Variants in ENOX1 observed in about 807,000 individuals in gnomAD.
ENOX1 encodes ecto-NOX disulfide-thiol exchanger 1, also known as candidate growth-related and time keeping constitutive hydroquinone (NADH) oxidase.
In ENOX1, 42 loss-of-function variants were observed where a neutral mutation model predicts 82.5. The observed-to-expected ratio is 0.51, with a 90% CI of 0.40 to 0.66. ENOX1 has a LOEUF of 0.66. ENOX1 is among the 30% of genes least tolerant of loss of function. ENOX1 has a pLI of 0.00. For synonymous variants in ENOX1, 271 were observed against 282.2 expected, an observed-to-expected ratio of 0.96 and a Z score of 0.40; for missense variants, 608 against 811.6, an observed-to-expected ratio of 0.75 and a Z score of 3.05.
At chr13:43,638,757 T>G (rs1375885021) in intron 2 of ENOX1, among the ~76,000 whole-genome samples, 2 of 152,190 alleles carry the variant, frequency 1.3e-5, no homozygotes, top group Non-Finnish European at 2.9e-5. Context: ...TTCATCTAAC[T>G]TTAGACTGTG....
At chr13:43,269,856 T>A (rs894438350) in intron 12 of ENOX1, among the ~76,000 whole-genome samples, 1 of 152,254 alleles carries the variant, frequency 6.6e-6, no homozygotes, top group Non-Finnish European at 1.5e-5. Flanking sequence ...TGTAAAACTA[T>A]ATAGGATAGT....
At chr13:43,709,157 A>T (rs1437112434) in intron 1 of ENOX1, among the ~76,000 whole-genome samples, 1 of 152,134 alleles carries the variant, frequency 6.6e-6, no homozygotes, top group Non-Finnish European at 1.5e-5. Context: ...TGAAGATGCA[A>T]AAGGCGAATT....
At chr13:43,612,186 G>T (rs1046004742) in intron 2 of ENOX1, among the ~76,000 whole-genome samples, 2 of 152,172 alleles carry the variant, frequency 1.3e-5, no homozygotes, top group African/African-American at 4.8e-5. Context: ...CAGTCAGAGA[G>T]AACAGATGAA....
At chr13:43,775,579 C>T (rs1287764021) in intron 1 of ENOX1, among the ~76,000 whole-genome samples, 1 of 152,218 alleles carries the variant, frequency 6.6e-6, no homozygotes, top group African/African-American at 2.4e-5. Context: ...AATGCCTAAA[C>T]TGCTCCTGGC....
At chr13:43,305,940 A>G (rs1311062555) in intron 11 of ENOX1, among the ~76,000 whole-genome samples, 1 of 152,170 alleles carries the variant, frequency 6.6e-6, no homozygotes, top group Non-Finnish European at 1.5e-5. Context: ...AGGGCAGGGA[A>G]GCAGAGCTCT....
chr13:43,248,136 C>T (rs1176826147), intron 14 of ENOX1, among the ~76,000 whole-genome samples: 5 of 151,272 alleles, frequency 3.3e-5, no homozygotes, highest in South Asian at 4.2e-4. Flanking sequence ...CCGCCCGCCT[C>T]GGCCTCCCAA....
chr13:43,560,557 T>C (rs1002942457), intron 2 of ENOX1, among the ~76,000 whole-genome samples: 2 of 152,146 alleles, frequency 1.3e-5, no homozygotes, highest in Admixed American at 6.5e-5. Flanking sequence ...TATTCTCTAT[T>C]TGTTTTCTTC....
At chr13:43,359,084 C>T (rs1212801809) in intron 7 of ENOX1, among the ~76,000 whole-genome samples, 1 of 152,132 alleles carries the variant, frequency 6.6e-6, no homozygotes, top group Non-Finnish European at 1.5e-5. Context: ...TCCCCACCCC[C>T]ACCCGCTACT....
At chr13:43,658,714 T>A (rs1414396423) in intron 2 of ENOX1, among the ~76,000 whole-genome samples, 1 of 152,198 alleles carries the variant, frequency 6.6e-6, no homozygotes, top group Non-Finnish European at 1.5e-5. Flanking sequence ...GCAATTTAGA[T>A]CAGTTGATCA....
intron 12 of ENOX1, among the ~76,000 whole-genome samples, chr13:43,296,071 G>GTCTT (rs1265536439): frequency 5.9e-5 from 9 of 152,068 alleles, no homozygotes; most frequent in African/African-American, 2.2e-4. Flanking sequence ...TTGCCTCCAG[G>GTCTT]TCTTTGTCTA....
chr13:43,635,287 A>G (rs775881263), intron 2 of ENOX1, among the ~76,000 whole-genome samples: 2 of 152,210 alleles, frequency 1.3e-5, no homozygotes, highest in African/African-American at 2.4e-5. Context: ...ATTCAGACTT[A>G]AAACCGGGAT....
At chr13:43,420,783 G>GT (rs1468986186) in intron 3 of ENOX1, among the ~76,000 whole-genome samples, 3 of 152,172 alleles carry the variant, frequency 2.0e-5, no homozygotes, top group Non-Finnish European at 2.9e-5. Context: ...TTAGATAGGA[G>GT]TAAGTTTTGG....
intron 1 of ENOX1, among the ~76,000 whole-genome samples, chr13:43,712,369 T>C (rs1195184488): frequency 6.6e-6 from 1 of 151,988 alleles, no homozygotes; most frequent in Non-Finnish European, 1.5e-5. Flanking sequence ...GCCTCCAGCT[T>C]TGTTCTTTTG....
chr13:43,781,797 C>T (rs1201515444), intron 1 of ENOX1, among the ~76,000 whole-genome samples: 1 of 152,180 alleles, frequency 6.6e-6, no homozygotes. Flanking sequence ...AGGCGTGAGC[C>T]ACCGCGCCCG....
At chr13:43,733,008 G>C (rs2089430442) in intron 1 of ENOX1, among the ~76,000 whole-genome samples, 1 of 152,054 alleles carries the variant, frequency 6.6e-6, no homozygotes, top group African/African-American at 2.4e-5. Flanking sequence ...TAACTGGCTG[G>C]GTCAGTTGCA....
intron 2 of ENOX1, among the ~76,000 whole-genome samples, chr13:43,569,282 T>A (rs775001233): frequency 1.6e-4 from 25 of 152,146 alleles, no homozygotes; most frequent in Non-Finnish European, 2.9e-4. Flanking sequence ...GCATATCACA[T>A]AAGCATATAA....
At chr13:43,640,179 T>C (rs2153765370) in intron 2 of ENOX1, among the ~76,000 whole-genome samples, 1 of 152,372 alleles carries the variant, frequency 6.6e-6, no homozygotes, top group African/African-American at 2.4e-5. Flanking sequence ...CAAGGGCATC[T>C]GTTTTTAATC....
intron 2 of ENOX1, among the ~76,000 whole-genome samples, chr13:43,571,598 G>A (rs1474933682): frequency 1.3e-5 from 2 of 152,166 alleles, no homozygotes; most frequent in South Asian, 4.1e-4. Flanking sequence ...GCTGAGGCAG[G>A]AGAATCGCTT....
At chr13:43,347,370 G>A (rs1336843062) in intron 8 of ENOX1, among the ~76,000 whole-genome samples, 1 of 152,152 alleles carries the variant, frequency 6.6e-6, no homozygotes, top group Admixed American at 6.6e-5. Flanking sequence ...GAGGAATATA[G>A]TTTCAAAGAC....
Sources: allele counts gnomAD v4.1 joint callset (sites outside exome capture counted in the v4.1 genomes callset), GRCh38; gene constraint gnomAD v4.1.1; transcripts MANE v1.5; gene names NCBI Gene and HGNC (gene_info 2026-07-23, HGNC 2026-07-21).